Variants in AKAP7 observed in about 807,000 individuals in gnomAD.
The protein encoded by AKAP7 is A-kinase anchoring protein 7.
AKAP7 carries 39 observed loss-of-function variants against 39.5 expected under a neutral mutation model. That is an observed-to-expected ratio of 0.99 (90% confidence interval 0.76 to 1.29). The LOEUF (loss-of-function observed/expected upper bound fraction) is 1.29, where lower values mean the gene tolerates loss of function less well. AKAP7 is among the 50% of genes most tolerant of loss of function. The pLI is 0.00. For missense variants in AKAP7, 414 were observed against 407.7 expected (o/e 1.02, Z -0.13); for synonymous variants, 140 against 139.1 (o/e 1.01, Z -0.05).
At chr6:131,129,283 T>C in the AKAP7 span, among the ~76,000 whole-genome samples, 2 of 32,042 alleles carry the variant, frequency 6.2e-5, no homozygotes, top group Non-Finnish European at 8.3e-5. Context: ...CAAGACTCTG[T>C]CAAAAAAAAA....
chr6:131,131,578 T>C (rs559642356), upstream of AKAP7, among the ~76,000 whole-genome samples: 5 of 152,238 alleles, frequency 3.3e-5, no homozygotes, highest in African/African-American at 9.6e-5. Context: ...TCATTGAATG[T>C]CTATTCATTG....
At chr6:131,203,220 T>A (rs1807774953) in intron 6 of AKAP7, among the ~76,000 whole-genome samples, 1 of 152,228 alleles carries the variant, frequency 6.6e-6, no homozygotes, top group African/African-American at 2.4e-5. Flanking sequence ...TGTAGATTAT[T>A]TGAAAATATA....
chr6:131,202,604 C>T, intron 6 of AKAP7, among the ~76,000 whole-genome samples: 1 of 106,808 alleles, frequency 9.4e-6, no homozygotes, highest in East Asian at 2.7e-4. Context: ...ACGCTGGGGA[C>T]TGTTGTGGGA....
At chr6:131,174,643 A>T (rs749600671) in intron 5 of AKAP7, among the ~76,000 whole-genome samples, 1 of 152,264 alleles carries the variant, frequency 6.6e-6, no homozygotes, top group Admixed American at 6.5e-5. Flanking sequence ...CAGTATCAGT[A>T]AAATGATTTA....
intron 5 of AKAP7, among the ~76,000 whole-genome samples, chr6:131,190,889 A>T (rs1806345510): frequency 6.6e-6 from 1 of 152,098 alleles, no homozygotes; most frequent in Admixed American, 6.5e-5. Flanking sequence ...TTGTGCTGAA[A>T]TCTGTCCCAT....
chr6:131,144,296 C>T (rs569971536), intron 1 of AKAP7, among the ~76,000 whole-genome samples: 6 of 151,954 alleles, frequency 3.9e-5, no homozygotes, highest in Admixed American at 6.6e-5. Flanking sequence ...CAGACGGGGT[C>T]GTGGCGGGGC....
chr6:131,198,913 C>T (rs1807236849), intron 5 of AKAP7, among the ~76,000 whole-genome samples: 1 of 152,210 alleles, frequency 6.6e-6, no homozygotes, highest in East Asian at 1.9e-4. Context: ...CTCAAGTATT[C>T]TGTCCCTTTC....
At chr6:131,143,745 T>TTTTTTTA (rs538956127) in intron 1 of AKAP7, among the ~76,000 whole-genome samples, 14 of 143,488 alleles carry the variant, frequency 9.8e-5, no homozygotes, top group African/African-American at 2.9e-4. Context: ...ATTCTTTTTT[T>TTTTTTTA]TTTTTTATTT....
At chr6:131,234,367 T>C (rs944411924) in intron 7 of AKAP7, among the ~76,000 whole-genome samples, 2 of 152,152 alleles carry the variant, frequency 1.3e-5, no homozygotes, top group Admixed American at 6.5e-5. Flanking sequence ...ATGACTGTAA[T>C]GAAGTTAATG....
intron 5 of AKAP7, among the ~76,000 whole-genome samples, chr6:131,198,760 A>C (rs1029946525): frequency 6.6e-6 from 1 of 151,804 alleles, no homozygotes; most frequent in East Asian, 1.9e-4. Context: ...AGTACTAGAC[A>C]CTCTTCCCTC....
At chr6:131,151,466 C>T (rs973153274) in intron 2 of AKAP7, among the ~76,000 whole-genome samples, 4 of 150,260 alleles carry the variant, frequency 2.7e-5, no homozygotes, top group African/African-American at 2.5e-5. Context: ...AATATATGGC[C>T]GGGTGTGGTG....
At chr6:131,198,802 C>A (rs949115968) in intron 5 of AKAP7, among the ~76,000 whole-genome samples, 78 of 152,282 alleles carry the variant, frequency 5.1e-4, no homozygotes, top group Non-Finnish European at 1.0e-4. Context: ...TCCCCAGCCT[C>A]TGGTAGTTTC....
intron 2 of AKAP7, among the ~76,000 whole-genome samples, chr6:131,154,154 G>A (rs374239446): frequency 1.3e-5 from 2 of 152,094 alleles, no homozygotes; most frequent in African/African-American, 2.4e-5. Context: ...GTTGCAGTGA[G>A]CAGAGATCGC....
At chr6:131,192,126 C>T (rs868780255) in intron 5 of AKAP7, among the ~76,000 whole-genome samples, 1 of 151,988 alleles carries the variant, frequency 6.6e-6, no homozygotes, top group Non-Finnish European at 1.5e-5. Context: ...TGCTTTGGTT[C>T]CCTGTGCTTG....
At chr6:131,245,581 A>C (rs1280292507) in intron 7 of AKAP7, among the ~76,000 whole-genome samples, 1 of 152,094 alleles carries the variant, frequency 6.6e-6, no homozygotes, top group Non-Finnish European at 1.5e-5. Flanking sequence ...GGCAACATAA[A>C]AATTGGAATG....
intron 6 of AKAP7, among the ~76,000 whole-genome samples, chr6:131,212,108 G>A (rs1808718075): frequency 6.6e-6 from 1 of 152,144 alleles, no homozygotes; most frequent in South Asian, 2.1e-4. Context: ...TCGAAGTATG[G>A]GTTCTACTGA....
At chr6:131,242,300 T>C in intron 7 of AKAP7, 1 of 674,262 alleles carries the variant, frequency 1.5e-6, no homozygotes, top group Non-Finnish European at 1.8e-6. Flanking sequence ...TGCTAACAAC[T>C]TGGATCATAA....
intron 5 of AKAP7, among the ~76,000 whole-genome samples, chr6:131,190,219 A>G (rs926275811): frequency 6.6e-6 from 1 of 152,218 alleles, no homozygotes; most frequent in Non-Finnish European, 1.5e-5. Context: ...CATTAATAAA[A>G]ATCAAAAGTT....
intron 5 of AKAP7, among the ~76,000 whole-genome samples, chr6:131,177,108 A>G (rs1804655969): frequency 6.6e-6 from 1 of 152,108 alleles, no homozygotes; most frequent in Non-Finnish European, 1.5e-5. Context: ...TTGATTTTCA[A>G]TCAAACACTT....
Sources: gnomAD v4.1 joint callset for allele counts (sites outside exome capture counted in the v4.1 genomes callset) on GRCh38, gnomAD v4.1.1 for gene constraint, MANE v1.5 for transcripts, NCBI Gene and HGNC (gene_info 2026-07-23, HGNC 2026-07-21) for gene names.